The following SLIT3 variants were observed in gnomAD, a reference collection of about 807,000 sequenced individuals.
SLIT3 encodes slit homolog 3 protein.
In SLIT3, 68 loss-of-function variants were observed where a neutral mutation model predicts 184.0. The observed-to-expected ratio is 0.37, with a 90% CI of 0.30 to 0.45. SLIT3 has a LOEUF of 0.45. SLIT3 is among the 20% of genes least tolerant of loss of function. The probability of loss-of-function intolerance (pLI) is 1.00; values close to 1 mark genes in which losing one functional copy is unlikely to be tolerated. For missense variants in SLIT3, 1,707 were observed against 2,026.0 expected, an observed-to-expected ratio of 0.84 and a Z score of 3.02; for synonymous variants, 831 against 828.6, an observed-to-expected ratio of 1.00 and a Z score of -0.05.
chr5:169,002,725 T>G (rs1755763180), intron 4 of SLIT3, among the ~76,000 whole-genome samples: 1 of 152,204 alleles, frequency 6.6e-6, no homozygotes, highest in Admixed American at 6.5e-5. Flanking sequence ...TCTTCCTTGA[T>G]CAAAGTATTT....
rs561886956 is a variant in SLIT3, at chr5:168,851,469, C to T, written c.486-6814G>A. On this transcript the variant is annotated intron_variant, in intron 5 of 35. Transcript: ENST00000519560. ...ACAAACAAATCCAAAGCAAATCAAA[C>T]GAAAACACCTCATATTCACAGCGAG... Among the ~76,000 whole-genome samples, 4 of 151,952 alleles carry T rather than the reference C, an allele frequency of 2.6e-5. No homozygotes were observed. In the South Asian group the frequency reaches 6.3e-4, roughly 24 times the overall value.
intron 4 of SLIT3, among the ~76,000 whole-genome samples, chr5:168,939,192 T>C (rs59372720): frequency 0.11 from 16,635 of 152,154 alleles, 2,238 homozygotes; most frequent in African/African-American, 0.33. Flanking sequence ...CTTACGTAGC[T>C]GCGCTGTGGG....
chr5:169,028,710 C>T (rs1001766812), intron 4 of SLIT3, among the ~76,000 whole-genome samples: 6 of 152,176 alleles, frequency 3.9e-5, no homozygotes, highest in African/African-American at 1.4e-4. Flanking sequence ...GGAGAAGAAC[C>T]ACTAAGCTAG....
chr5:169,070,532 T>C (rs1399544861), intron 4 of SLIT3, among the ~76,000 whole-genome samples: 1 of 152,072 alleles, frequency 6.6e-6, no homozygotes, highest in African/African-American at 2.4e-5. Flanking sequence ...ACTCTGCCAG[T>C]CGAGATGACC....
chr5:169,233,577 A>C lies in SLIT3; in HGVS notation c.341+11128T>G, dbSNP rs1765086228. Among the ~76,000 whole-genome samples, 5 of 152,198 alleles carry C rather than the reference A, an allele frequency of 3.3e-5. 1 individual carries two copies. The South Asian group carries it at 1.0e-3, about 32-fold the overall frequency. On this transcript the variant is annotated intron_variant, in intron 3 of 35. Coordinates refer to ENST00000519560, the MANE Select transcript of SLIT3 (RefSeq NM_003062.4). ...AACACAATTTACAATCTAATGTGCC[A>C]CCATGGCACACGTTTACCTATGTAA...
chr5:168,705,346 C>A (rs1762343810), intron 26 of SLIT3, among the ~76,000 whole-genome samples: 1 of 152,118 alleles, frequency 6.6e-6, no homozygotes. Context: ...GAGGAGTATG[C>A]AAGATAATAC....
rs1755398625 is a variant in SLIT3, at chr5:168,993,378, ATCTG to A, written c.414-110046_414-110043del. ...ATGCCCATGGCACCCCGCCTACAGGATCTGACGCCTGGCTTTTTCAGAGACTCCC... is the reference window on the plus strand; with the variant it reads ...ATGCCCATGGCACCCCGCCTACAGGAACGCCTGGCTTTTTCAGAGACTCCC... On this transcript the variant is annotated intron_variant, in intron 4 of 35. Coordinates refer to ENST00000519560, the MANE Select transcript of SLIT3 (RefSeq NM_003062.4). Among the ~76,000 whole-genome samples the A allele has an allele frequency of 2.6e-5, 4 of 152,294 alleles. No homozygotes were observed. The South Asian group carries it at 8.3e-4, about 32-fold the overall frequency.
chr5:169,024,802 C>T (rs1178023082), intron 4 of SLIT3: 3 of 152,048 alleles, frequency 2.0e-5, no homozygotes, highest in African/African-American at 7.3e-5. Context: ...AAGAAAGAGA[C>T]AAAATAAGGA....
chr5:168,879,011 G>C (rs1759849553), intron 5 of SLIT3, among the ~76,000 whole-genome samples: 1 of 152,136 alleles, frequency 6.6e-6, no homozygotes, highest in African/African-American at 2.4e-5. Flanking sequence ...CACCACACCT[G>C]GCCACAGCCT....
At chr5:169,240,579 C>CTTTT (rs67955225) in intron 3 of SLIT3, among the ~76,000 whole-genome samples, 19 of 114,316 alleles carry the variant, frequency 1.7e-4, no homozygotes, top group Non-Finnish European at 2.8e-4. Context: ...CTATCATTTT[C>CTTTT]TTTTTTTTTT....
At chr5:168,902,428 G>GATGGGA (rs1417568395) in intron 4 of SLIT3, among the ~76,000 whole-genome samples, 1 of 152,334 alleles carries the variant, frequency 6.6e-6, no homozygotes, top group Non-Finnish European at 1.5e-5. Context: ...ATGTTTGTAT[G>GATGGGA]ATGGGAATAT....
intron 4 of SLIT3, among the ~76,000 whole-genome samples, chr5:169,135,420 T>G (rs1266658707): frequency 1.5e-5 from 1 of 68,052 alleles, no homozygotes; most frequent in Non-Finnish European, 3.9e-5. Context: ...CAGATCAGTG[T>G]TTTTTTTTAA....
chr5:168,840,042 A>T (rs551653380), intron 6 of SLIT3, among the ~76,000 whole-genome samples: 1 of 152,324 alleles, frequency 6.6e-6, no homozygotes, highest in African/African-American at 2.4e-5. Flanking sequence ...GAGACACCTA[A>T]GGTCCTACCA....
intron 3 of SLIT3, among the ~76,000 whole-genome samples, chr5:169,229,642 T>TTC (rs60056409): frequency 0.069 from 10,268 of 148,232 alleles, 791 homozygotes; most frequent in African/African-American, 0.2. Context: ...AAATAAATTC[T>TTC]TCTCTCTCTC....
chr5:169,246,047 C>G (rs943519806), intron 2 of SLIT3, among the ~76,000 whole-genome samples: 1 of 152,204 alleles, frequency 6.6e-6, no homozygotes, highest in Non-Finnish European at 1.5e-5. Flanking sequence ...GGACAGGTAA[C>G]TGTTTCGTTT....
intron 1 of SLIT3, among the ~76,000 whole-genome samples, chr5:169,265,100 C>T (rs1285561779): frequency 6.6e-6 from 1 of 152,162 alleles, no homozygotes; most frequent in Non-Finnish European, 1.5e-5. Flanking sequence ...TTTCCTTCAT[C>T]CCTTGCACCA....
chr5:168,811,072 T>A (rs1005896694), intron 8 of SLIT3, among the ~76,000 whole-genome samples: 7 of 151,938 alleles, frequency 4.6e-5, no homozygotes, highest in African/African-American at 1.2e-4. Flanking sequence ...AAGCGAAAGG[T>A]CCTAACTTGC....
chr5:168,677,477 C>G (rs1486907759), intron 32 of SLIT3, among the ~76,000 whole-genome samples: 4 of 152,082 alleles, frequency 2.6e-5, no homozygotes, highest in Non-Finnish European at 5.9e-5. Flanking sequence ...GAGATGGAGT[C>G]TCGCTCTGTT....
At chr5:168,881,405 C>G (rs535182544) in intron 5 of SLIT3, among the ~76,000 whole-genome samples, 3 of 152,316 alleles carry the variant, frequency 2.0e-5, no homozygotes, top group Non-Finnish European at 4.4e-5. Context: ...AAAACATAGT[C>G]AGCAATTAAC....
Sources: gnomAD v4.1 joint callset for allele counts (sites outside exome capture counted in the v4.1 genomes callset) on GRCh38, gnomAD v4.1.1 for gene constraint, MANE v1.5 for transcripts, NCBI Gene and HGNC (gene_info 2026-07-23, HGNC 2026-07-21) for gene names.